SSH2: variants seen among roughly 807,000 people sequenced by gnomAD.
SSH2 encodes protein phosphatase Slingshot homolog 2.
A neutral mutation model predicts 135.2 loss-of-function variants in SSH2; 37 were observed. That is an observed-to-expected ratio of 0.27 (90% CI 0.21 to 0.36). SSH2 has a LOEUF of 0.36. Among genes scored for constraint, SSH2 ranks in the 10% least tolerant of loss-of-function variants. The pLI, the probability that SSH2 is intolerant of heterozygous loss-of-function variation, is 1.00. For missense variants in SSH2, 1,408 were observed against 1,765.3 expected, an observed-to-expected ratio of 0.80 and a Z score of 3.63; for synonymous variants, 628 against 646.2, an observed-to-expected ratio of 0.97 and a Z score of 0.43.
intron 1 of SSH2, among the ~76,000 whole-genome samples, chr17:29,858,275 C>T (rs1024259529): frequency 6.6e-6 from 1 of 152,282 alleles, no homozygotes; most frequent in African/African-American, 2.4e-5. Flanking sequence ...ACCACAAACT[C>T]GATGGCTTAA....
intron 14 of SSH2, chr17:29,643,085 T>C: frequency 1.0e-6 from 1 of 971,534 alleles, no homozygotes; most frequent in Non-Finnish European, 1.2e-6. Context: ...TCTAAGGATT[T>C]TCCTCTCCTG....
intron 3 of SSH2, chr17:29,760,960 C>T (rs2041272724): frequency 4.5e-6 from 2 of 443,938 alleles, no homozygotes; most frequent in Admixed American, 3.8e-5. Flanking sequence ...GGACACTTTC[C>T]GCCTCCATGA....
intron 2 of SSH2, among the ~76,000 whole-genome samples, chr17:29,797,820 T>C (rs2042183714): frequency 6.6e-6 from 1 of 152,172 alleles, no homozygotes; most frequent in Admixed American, 6.5e-5. Context: ...TCCAGAAGTT[T>C]GAAGTTGCAG....
At chr17:29,770,109 T>TG (rs2041544115) in intron 3 of SSH2, among the ~76,000 whole-genome samples, 2 of 147,034 alleles carry the variant, frequency 1.4e-5, no homozygotes, top group Non-Finnish European at 3.0e-5. Flanking sequence ...TTTTTTTTTT[T>TG]TTTTTTTTTT....
At chr17:29,788,590 TTTTC>T (rs934179668) in intron 3 of SSH2, among the ~76,000 whole-genome samples, 4 of 152,002 alleles carry the variant, frequency 2.6e-5, no homozygotes, top group African/African-American at 9.7e-5. Flanking sequence ...TCTCTCTCTT[TTTTC>T]TTTCTTTCCC....
At chr17:29,677,629 A>C in intron 7 of SSH2, 44 bp downstream of exon 7, 1 of 1,532,810 alleles carries the variant, frequency 6.5e-7, no homozygotes, top group Non-Finnish European at 9.0e-7. Context: ...ATGGAGCCCC[A>C]CCCCTTGGCT....
chr17:29,782,226 C>T (rs1167741198), intron 3 of SSH2, among the ~76,000 whole-genome samples: 1 of 152,156 alleles, frequency 6.6e-6, no homozygotes, highest in Non-Finnish European at 1.5e-5. Context: ...TCAAACTCTT[C>T]ATATGGTTTC....
At chr17:29,695,685 AAGAC>A (rs1249618745) in intron 4 of SSH2, among the ~76,000 whole-genome samples, 162 bp from the exon 5 acceptor site, 7 of 152,242 alleles carry the variant, frequency 4.6e-5, no homozygotes, top group Non-Finnish European at 7.3e-5. Flanking sequence ...TTAAAATGGA[AAGAC>A]AGACTGCTAG....
At chr17:29,852,278 G>GA (rs926860346) in intron 1 of SSH2, among the ~76,000 whole-genome samples, 14 of 144,576 alleles carry the variant, frequency 9.7e-5, no homozygotes, top group Middle Eastern at 3.2e-3. Flanking sequence ...CTGTCTCAAA[G>GA]AAAAAAAAAA....
At chr17:29,835,603 GA>G (rs1290858415) in intron 2 of SSH2, among the ~76,000 whole-genome samples, 32 of 152,262 alleles carry the variant, frequency 2.1e-4, no homozygotes, top group African/African-American at 7.5e-4. Context: ...ATCCAAAGTG[GA>G]ATTTCCAGCC....
chr17:29,783,105 A>T (rs1288192522), intron 3 of SSH2, among the ~76,000 whole-genome samples: 1 of 151,810 alleles, frequency 6.6e-6, no homozygotes, highest in African/African-American at 2.4e-5. Flanking sequence ...TCAGAGATAA[A>T]ATCACAGGGA....
Position 29,648,335 on chromosome 17 carries a change from T to C in SSH2, c.1236A>G (p.Gly412=). 6.2e-7 allele frequency: 1 copy of C among 1,602,508 alleles called. No individual in the cohort carries two copies. The highest frequency in any genetic ancestry group is 8.5e-7 in the Non-Finnish European group (1 of 1,172,696). ...YKFISKAKKH[G]SKCLVHCKMG... is the part of the protein sequence containing the mutation. Reference sequence around the variant, plus strand: ...TTTTGCAGTGCACAAGGCATTTAGATCCATGTTTCCTTGTTTGGGGGATTG... The same window carrying C: ...TTTTGCAGTGCACAAGGCATTTAGACCCATGTTTCCTTGTTTGGGGGATTG... The change falls in exon 14 of 16, where the codon GGA becomes GGG. Residue 412 remains glycine (G), a synonymous_variant. Coordinates refer to ENST00000540801, the MANE Select transcript of SSH2 (RefSeq NM_001282129.2).
chr17:29,668,873 T>G (rs988811343), intron 9 of SSH2, among the ~76,000 whole-genome samples: 4 of 152,086 alleles, frequency 2.6e-5, no homozygotes, highest in African/African-American at 9.7e-5. Flanking sequence ...AGACCTAGGT[T>G]TTAATCCCAG....
At chr17:29,705,220 A>T (rs1296529069) in intron 3 of SSH2, among the ~76,000 whole-genome samples, 5 of 152,090 alleles carry the variant, frequency 3.3e-5, no homozygotes, top group Non-Finnish European at 5.9e-5. Context: ...CCCTATCACC[A>T]CTATCACACT....
At chr17:29,839,153 G>A (rs566572942) in intron 2 of SSH2, 1 of 152,406 alleles carries the variant, frequency 6.6e-6, no homozygotes, top group Admixed American at 6.5e-5. Flanking sequence ...GGCAACAGGG[G>A]CTGATGTCAT....
At chr17:29,669,207 C>A (rs1167005026) in intron 9 of SSH2, among the ~76,000 whole-genome samples, 1 of 152,026 alleles carries the variant, frequency 6.6e-6, no homozygotes, top group Non-Finnish European at 1.5e-5. Context: ...CGAGATAGTG[C>A]CATTGCACTC....
chr17:29,779,753 G>A (rs549834839), intron 3 of SSH2, among the ~76,000 whole-genome samples: 33 of 136,168 alleles, frequency 2.4e-4, no homozygotes, highest in African/African-American at 9.1e-4. Context: ...AGAAAGTGGA[G>A]TGTGCTGAGA....
intron 3 of SSH2, among the ~76,000 whole-genome samples, chr17:29,703,334 C>T (rs544144568): frequency 1.8e-4 from 28 of 152,094 alleles, no homozygotes; most frequent in African/African-American, 6.3e-4. Flanking sequence ...CTGCAACCTC[C>T]GCCTCCTGGG....
intron 15 of SSH2, among the ~76,000 whole-genome samples, chr17:29,633,852 C>T (rs1042067054): frequency 6.6e-6 from 1 of 152,170 alleles, no homozygotes; most frequent in African/African-American, 2.4e-5. Context: ...TTTTTATAAG[C>T]CTTCAAAGTA....
Sources: gnomAD v4.1 joint callset for allele counts (sites outside exome capture counted in the v4.1 genomes callset) on GRCh38, gnomAD v4.1.1 for gene constraint, MANE v1.5 for transcripts, NCBI Gene and HGNC (gene_info 2026-07-23, HGNC 2026-07-21) for gene names.